Variants in BMS1 observed in about 807,000 individuals in gnomAD.
BMS1 encodes the protein ribosome biogenesis protein BMS1 homolog.
A neutral mutation model predicts 138.7 loss-of-function variants in BMS1; 53 were observed. That is an observed-to-expected ratio of 0.38 (90% CI 0.31 to 0.48). The LOEUF is 0.48. Ranked by LOEUF, BMS1 falls within the 20% of genes least tolerant of loss-of-function variation. The pLI, the probability that BMS1 is intolerant of heterozygous loss-of-function variation, is 0.97. For synonymous variants in BMS1, 504 were observed against 539.9 expected, an observed-to-expected ratio of 0.93 and a Z score of 0.92; for missense variants, 1,360 against 1,565.5, an observed-to-expected ratio of 0.87 and a Z score of 2.22.
chr10:42,822,189 G>A lies in BMS1; in HGVS notation c.3132+5G>A, dbSNP rs1395686983. 3 of 1,314,622 alleles carry A rather than the reference G, an allele frequency of 2.3e-6. No homozygotes were observed. The highest frequency in any genetic ancestry group is 3.2e-6 in the Non-Finnish European group (3 of 935,210). The allele number at this position is 1,314,622 out of a possible 1,614,324, so 81.4% of individuals were successfully genotyped here. A position where few individuals can be genotyped will look rare whatever the true frequency, so the allele number is the denominator to read the frequency against. On this transcript the variant is annotated splice_donor_5th_base_variant and intron_variant, in intron 19 of 22. Coordinates refer to ENST00000374518, the MANE Select transcript of BMS1 (RefSeq NM_014753.4). The stretch of plus-strand genomic sequence containing the variant: ...AAGAACACTTCATTTATTAAGGTCT[G>A]TATATCTATATATTCTCATATTTAT...
intron 21 of BMS1, among the ~76,000 whole-genome samples, chr10:42,825,647 C>T (rs1842616543): frequency 6.6e-6 from 1 of 152,218 alleles, no homozygotes; most frequent in Non-Finnish European, 1.5e-5. Context: ...TTATACCTTG[C>T]AGCTTAACTG....
intron 13 of BMS1, among the ~76,000 whole-genome samples, chr10:42,803,507 G>A (rs989423366): frequency 1.3e-5 from 2 of 151,692 alleles, no homozygotes; most frequent in African/African-American, 4.8e-5. Flanking sequence ...TAATATCACT[G>A]ATCTCTGTTG....
intron 18 of BMS1, among the ~76,000 whole-genome samples, chr10:42,821,640 C>G (rs1021966571): frequency 6.8e-6 from 1 of 146,598 alleles, no homozygotes; most frequent in Non-Finnish European, 1.5e-5. Context: ...GCAACCTCTG[C>G]CTCCTGGGTT....
chr10:42,802,014 G>A (rs1841888341), intron 12 of BMS1, 123 bp from the exon 13 acceptor site: 1 of 650,062 alleles, frequency 1.5e-6, no homozygotes, highest in Admixed American at 2.8e-5. Context: ...GGCTCATTTG[G>A]AATGAGAATA....
Position 42,797,604 on chromosome 10 carries a change from T to A in BMS1, c.2089+81T>A, listed in dbSNP as rs765466517. On this transcript the variant is annotated intron_variant, in intron 11 of 22. Coordinates refer to ENST00000374518, the MANE Select transcript of BMS1 (RefSeq NM_014753.4). ...GAGGGAATTGGTTGGAGGATTCGGC[T>A]GGTATTGTTGACATCCATAATTGCT... 210 of 1,370,048 alleles carry A rather than the reference T, an allele frequency of 1.5e-4. 3 individuals are homozygous for A. In the South Asian group the frequency reaches 2.5e-3, roughly 16 times the overall value. The allele number at this position is 1,370,048 out of a possible 1,614,324, so 84.9% of individuals were successfully genotyped here.
rs757100217 is a variant in BMS1 at position 42,797,206 on chromosome 10, AAAT to A, written c.1966_1968del (p.Asn656del). ...AAGAGGAAGAAGATTACAAGGAAGA[AAAT>A]AATGATTCCAAAGAAACGTCAGGTA... On this transcript the variant is annotated inframe_deletion, in exon 10 of 23. Coordinates refer to ENST00000374518, the MANE Select transcript of BMS1 (RefSeq NM_014753.4). 1.1e-5 allele frequency: 18 copies of A among 1,604,414 alleles called. No homozygotes were observed. The highest frequency in any genetic ancestry group is 6.7e-5 in the African/African-American group (5 of 74,206).
intron 3 of BMS1, among the ~76,000 whole-genome samples, chr10:42,786,698 C>G (rs1841341320): frequency 2.0e-5 from 3 of 151,842 alleles, no homozygotes; most frequent in Admixed American, 6.6e-5. Context: ...GTTGCTGGGA[C>G]TACAGGCGAG....
chr10:42,811,537 T>C (rs1842180425), intron 13 of BMS1, among the ~76,000 whole-genome samples: 1 of 131,868 alleles, frequency 7.6e-6, no homozygotes. Context: ...TTTTTTTTTT[T>C]TTTTTGAGAC....
chr10:42,805,708 A>G (rs1419949032), intron 13 of BMS1, among the ~76,000 whole-genome samples: 1 of 152,172 alleles, frequency 6.6e-6, no homozygotes, highest in East Asian at 1.9e-4. Flanking sequence ...GTTTATTTTC[A>G]TATCAACTTG....
chr10:42,811,167 A>G (rs1842163844), intron 13 of BMS1, among the ~76,000 whole-genome samples: 2 of 151,590 alleles, frequency 1.3e-5, no homozygotes, highest in Admixed American at 1.3e-4. Flanking sequence ...TCAGCTTCCC[A>G]AGTAGCTGGG....
In BMS1 at chr10:42,793,934, G is replaced by T; in HGVS notation, c.1172G>T (p.Arg391Leu). ...ATTGATGCCAAGATGGCTTCAAGTC[G>T]AGTGACGCTGTTTTCTGATTCCAAG... is the stretch of plus-strand genomic sequence containing the variant. ...STIDAKMASS[R>L]VTLFSDSKPL... Residue 391 changes from arginine to leucine, a missense_variant, in exon 9 of 23, where the codon CGA (arginine) becomes CTA (leucine). Arg to Leu is a moderately radical substitution (Grantham distance 102). Coordinates refer to ENST00000374518, the MANE Select transcript of BMS1 (RefSeq NM_014753.4). 1 of 1,611,866 alleles carries T rather than the reference G, an allele frequency of 6.2e-7. No homozygotes were observed. The highest frequency in any genetic ancestry group is 1.3e-5 in the African/African-American group (1 of 74,940).
At chr10:42,783,560 G>C (rs1235512165) in intron 1 of BMS1, among the ~76,000 whole-genome samples, 1 of 151,064 alleles carries the variant, frequency 6.6e-6, no homozygotes, top group African/African-American at 2.4e-5. Flanking sequence ...ATCCTGCTCC[G>C]CTTTTTTTTT....
intron 10 of BMS1, 46 bp from the exon 11 acceptor site, chr10:42,797,376 A>G: frequency 6.2e-7 from 1 of 1,603,108 alleles, no homozygotes; most frequent in East Asian, 2.2e-5. Context: ...AAGGGAGGGG[A>G]GACACATGAA....
In BMS1 at chr10:42,823,801, T is replaced by C. The variant is rs1842568573; in HGVS notation, c.3456+17T>C. Reference sequence around the variant, plus strand: ...CTGTATAAGGTACTGGTCGCGTGTGTGTTAGTGGAGATGAAGCCTGTGCTC... The same window carrying C: ...CTGTATAAGGTACTGGTCGCGTGTGCGTTAGTGGAGATGAAGCCTGTGCTC... On this transcript the variant is annotated intron_variant, in intron 21 of 22. Coordinates refer to ENST00000374518, the MANE Select transcript of BMS1 (RefSeq NM_014753.4). 1 of 1,523,800 alleles carries C rather than the reference T, an allele frequency of 6.6e-7. No homozygotes were observed. The highest frequency in any genetic ancestry group is 1.4e-5 in the African/African-American group (1 of 72,544). The allele number at this position is 1,523,800 out of a possible 1,614,324, so 94.4% of individuals were successfully genotyped here. A position where few individuals can be genotyped will look rare whatever the true frequency, so the allele number is the denominator to read the frequency against.
rs548651300 is a variant in BMS1, at chr10:42,809,558, G to C, written c.2330-7041G>C. 3.5e-3 allele frequency among the ~76,000 whole-genome samples: 528 copies of C among 152,122 alleles called. 5 individuals are homozygous for C. The highest frequency in any genetic ancestry group is 5.1e-3 in the Non-Finnish European group (345 of 67,994). Reference sequence around the variant, plus strand: ...TTATAGGCGTGAGCGACCATGCCTGGCCTTCTTTCTGTTTTAAAATTTTCT... The same window carrying C: ...TTATAGGCGTGAGCGACCATGCCTGCCCTTCTTTCTGTTTTAAAATTTTCT... On this transcript the variant is annotated intron_variant, in intron 13 of 22. Transcript: ENST00000374518.
chr10:42,787,827 A>G (rs1841384119), intron 4 of BMS1, among the ~76,000 whole-genome samples: 1 of 152,202 alleles, frequency 6.6e-6, no homozygotes, highest in East Asian at 1.9e-4. Flanking sequence ...TTTATCAATA[A>G]AAAGTCTAGA....
intron 13 of BMS1, among the ~76,000 whole-genome samples, chr10:42,804,993 C>T (rs1044743183): frequency 6.6e-6 from 1 of 152,190 alleles, no homozygotes; most frequent in African/African-American, 2.4e-5. Context: ...GCTGGGATTA[C>T]AGGCATGAGC....
chr10:42,821,477 CAAAT>C (rs777503716), intron 18 of BMS1, among the ~76,000 whole-genome samples: 32 of 149,994 alleles, frequency 2.1e-4, no homozygotes, highest in Non-Finnish European at 3.8e-4. Context: ...CATTTCATTC[CAAAT>C]AAATCATTAT....
At chr10:42,824,620 A>G (rs1842589100) in intron 21 of BMS1, among the ~76,000 whole-genome samples, 1 of 151,958 alleles carries the variant, frequency 6.6e-6, no homozygotes. Flanking sequence ...TTCAGGTCTT[A>G]TTTGGGTCTT....
Sources: gnomAD v4.1 joint callset for allele counts (sites outside exome capture counted in the v4.1 genomes callset) on GRCh38, gnomAD v4.1.1 for gene constraint, MANE v1.5 for transcripts, NCBI Gene and HGNC (gene_info 2026-07-23, HGNC 2026-07-21) for gene names.